The following ANTXR2 variants were observed in gnomAD, a reference collection of about 807,000 sequenced individuals.
The protein encoded by ANTXR2 is ANTXR cell adhesion molecule 2, also known as anthrax toxin receptor 2.
A neutral mutation model predicts 73.7 loss-of-function variants in ANTXR2; 44 were observed. The ratio of observed to expected loss-of-function variants is 0.60; its 90% CI spans 0.47 to 0.77. The LOEUF is 0.77. Among genes scored for constraint, ANTXR2 ranks in the 30% least tolerant of loss-of-function variants. The probability of loss-of-function intolerance (pLI) is 0.00; values close to 1 mark genes in which losing one functional copy is unlikely to be tolerated. For missense variants in ANTXR2, 604 were observed against 592.5 expected (o/e 1.02, Z -0.20); for synonymous variants, 217 against 205.9 (o/e 1.05, Z -0.46).
intron 16 of ANTXR2, among the ~76,000 whole-genome samples, chr4:79,975,351 C>T (rs886153640): frequency 5.9e-5 from 9 of 152,086 alleles, no homozygotes; most frequent in African/African-American, 9.7e-5. Context: ...TTCTTAAGGG[C>T]GGAGGCTGCT....
chr4:80,068,914 A>G (rs1228942706), intron 3 of ANTXR2, among the ~76,000 whole-genome samples: 1 of 152,230 alleles, frequency 6.6e-6, no homozygotes, highest in Non-Finnish European at 1.5e-5. Flanking sequence ...AAGGAGATTA[A>G]ATAGATAGGT....
chr4:79,965,017 T>G (rs911542303), intron 16 of ANTXR2: 2 of 152,176 alleles, frequency 1.3e-5, no homozygotes, highest in Non-Finnish European at 2.9e-5. Flanking sequence ...CTGCCTGAAC[T>G]TCAATTACTT....
intron 16 of ANTXR2, among the ~76,000 whole-genome samples, chr4:79,930,263 AATATAAG>A (rs1427507559): frequency 6.6e-6 from 1 of 152,212 alleles, no homozygotes; most frequent in African/African-American, 2.4e-5. Flanking sequence ...TATGAAGATG[AATATAAG>A]ATATATTAGG....
chr4:79,907,588 G>T, intron 16 of ANTXR2, 121 bp from the exon 17 acceptor site: 2 of 1,016,604 alleles, frequency 2.0e-6, no homozygotes, highest in Non-Finnish European at 2.9e-6. Context: ...ATGTTAACTT[G>T]AGACATGAAG....
intron 7 of ANTXR2, among the ~76,000 whole-genome samples, chr4:80,044,125 T>G (rs567479962): frequency 3.3e-5 from 5 of 152,062 alleles, no homozygotes; most frequent in African/African-American, 1.2e-4. Context: ...ACAATCAAGT[T>G]TTTACAACTA....
chr4:79,918,852 T>C (rs1043066821), intron 16 of ANTXR2, among the ~76,000 whole-genome samples: 8 of 152,008 alleles, frequency 5.3e-5, no homozygotes, highest in African/African-American at 1.7e-4. Flanking sequence ...TAATAACATA[T>C]TGAATTCATA....
At chr4:79,987,140 T>C (rs1172782883) in intron 12 of ANTXR2, among the ~76,000 whole-genome samples, 1 of 152,020 alleles carries the variant, frequency 6.6e-6, no homozygotes, top group African/African-American at 2.4e-5. Flanking sequence ...AGAAATGAAA[T>C]GTCTGAAATG....
intron 7 of ANTXR2, among the ~76,000 whole-genome samples, chr4:80,049,592 T>C (rs889814252): frequency 6.6e-6 from 1 of 151,706 alleles, no homozygotes; most frequent in Non-Finnish European, 1.5e-5. Flanking sequence ...CACTGGGCTT[T>C]TGTTCTCAAG....
intron 10 of ANTXR2, among the ~76,000 whole-genome samples, chr4:80,026,678 C>T (rs920014323): frequency 3.9e-5 from 6 of 152,034 alleles, no homozygotes; most frequent in African/African-American, 1.4e-4. Flanking sequence ...CTGAAATGTG[C>T]TTCCCCTTAA....
At chr4:80,025,692 A>G (rs1328065751) in intron 10 of ANTXR2, among the ~76,000 whole-genome samples, 1 of 152,214 alleles carries the variant, frequency 6.6e-6, no homozygotes, top group African/African-American at 2.4e-5. Flanking sequence ...ATAAGATTCC[A>G]TATTCATGAA....
At chr4:79,975,955 C>G (rs959720565) in intron 16 of ANTXR2, among the ~76,000 whole-genome samples, 1 of 149,248 alleles carries the variant, frequency 6.7e-6, no homozygotes, top group African/African-American at 2.4e-5. Context: ...CTCTGTCGCC[C>G]AGGCTGGAGT....
At chr4:80,038,214 T>TGC (rs1733068379) in intron 7 of ANTXR2, among the ~76,000 whole-genome samples, 1 of 152,144 alleles carries the variant, frequency 6.6e-6, no homozygotes, top group Non-Finnish European at 1.5e-5. Flanking sequence ...TCAGTGAATT[T>TGC]GTAACTTTAT....
intron 13 of ANTXR2, among the ~76,000 whole-genome samples, 180 bp from the exon 14 acceptor site, chr4:79,984,150 T>C (rs1730002553): frequency 1.3e-5 from 2 of 152,200 alleles, no homozygotes; most frequent in Non-Finnish European, 2.9e-5. Context: ...TTCTACAGGA[T>C]ATGAGAACTC....
At chr4:80,019,633 T>A (rs1732060422) in intron 10 of ANTXR2, among the ~76,000 whole-genome samples, 1 of 152,042 alleles carries the variant, frequency 6.6e-6, no homozygotes. Context: ...GTATTACTAC[T>A]AAGAATATAA....
Position 79,976,674 on chromosome 4 carries a change from G to A in ANTXR2, c.1428+947C>T, listed in dbSNP as rs573391384. On this transcript the variant is annotated intron_variant, in intron 16 of 16. Transcript: ENST00000403729. ...CTGCTCCACAGGGAGTAGTACCTCT[G>A]CTGCTGCTATGCACTGTCGCTTCAA... 1.1e-4 allele frequency among the ~76,000 whole-genome samples: 17 copies of A among 152,350 alleles called. 1 individual carries two copies. In the South Asian group the frequency reaches 3.3e-3, roughly 30 times the overall value.
chr4:80,026,560 G>T (rs1732455113), intron 10 of ANTXR2, among the ~76,000 whole-genome samples: 1 of 151,954 alleles, frequency 6.6e-6, no homozygotes, highest in African/African-American at 2.4e-5. Context: ...TCATATAGGT[G>T]TCCATCTTTA....
intron 10 of ANTXR2, among the ~76,000 whole-genome samples, chr4:80,026,449 C>G (rs940310617): frequency 6.6e-6 from 1 of 151,996 alleles, no homozygotes; most frequent in African/African-American, 2.4e-5. Context: ...TGAGAACGGA[C>G]TAATACATTT....
rs1325842568 is a variant in ANTXR2, at chr4:79,982,228, TAA to T, written c.1179+1648_1179+1649del. Among the ~76,000 whole-genome samples, 9 of 152,282 alleles carry T rather than the reference TAA, an allele frequency of 5.9e-5. No individual in the cohort carries two copies. The East Asian group carries it at 1.2e-3, about 20-fold the overall frequency. ...ACATGAGTGAATTTCAAAATGGCAT[TAA>T]GTTTATTATTCTGAATATGAAGTAG... On this transcript the variant is annotated intron_variant, in intron 14 of 16. Transcript: ENST00000403729.
chr4:79,921,936 A>G (rs1032466666), intron 16 of ANTXR2, among the ~76,000 whole-genome samples: 3 of 152,054 alleles, frequency 2.0e-5, no homozygotes, highest in African/African-American at 7.2e-5. Flanking sequence ...CATTTATTAC[A>G]TCTAGTAATA....
Sources: gnomAD v4.1 joint callset for allele counts (sites outside exome capture counted in the v4.1 genomes callset) on GRCh38, gnomAD v4.1.1 for gene constraint, MANE v1.5 for transcripts, NCBI Gene and HGNC (gene_info 2026-07-23, HGNC 2026-07-21) for gene names.